The following CDH23 variants were observed in gnomAD, a reference collection of about 807,000 sequenced individuals.
The protein encoded by CDH23 is cadherin-23.
A neutral mutation model predicts 317.1 loss-of-function variants in CDH23; 189 were observed. The ratio of observed to expected loss-of-function variants is 0.60; its 90% confidence interval spans 0.53 to 0.67. The LOEUF is 0.67. Ranked by LOEUF, CDH23 falls within the 30% of genes least tolerant of loss-of-function variation. The pLI is 0.00. For missense variants in CDH23, 4,401 were observed against 4,592.4 expected (o/e 0.96, Z 1.20); for synonymous variants, 1,839 against 1,876.8 (o/e 0.98, Z 0.52).
intron 15 of CDH23, 26 bp from the exon 16 acceptor site, chr10:71,677,430 C>T (rs556038183): frequency 9.6e-6 from 15 of 1,566,498 alleles, no homozygotes; most frequent in Admixed American, 9.0e-5. Context: ...GGTGTTCCTT[C>T]TCTCCATCCT....
At chr10:71,482,685 C>T (rs1852131695) in intron 3 of CDH23, among the ~76,000 whole-genome samples, 3 of 152,170 alleles carry the variant, frequency 2.0e-5, no homozygotes, top group African/African-American at 7.2e-5. Flanking sequence ...AGATCTCTTG[C>T]CTCCAAAAAG....
At chr10:71,644,311 CAG>C (rs1235802642) in intron 12 of CDH23, among the ~76,000 whole-genome samples, 8 of 152,254 alleles carry the variant, frequency 5.3e-5, no homozygotes, top group Admixed American at 3.3e-4. Context: ...GTGCCAGTAA[CAG>C]GGCACAGGCC....
chr10:71,488,999 T>C (rs1852501768), intron 3 of CDH23, among the ~76,000 whole-genome samples: 3 of 152,246 alleles, frequency 2.0e-5, no homozygotes, highest in Non-Finnish European at 4.4e-5. Context: ...TTTTTCTTCT[T>C]TGGTTGCCTT....
intron 3 of CDH23, among the ~76,000 whole-genome samples, chr10:71,452,226 A>G (rs1201514345): frequency 6.6e-6 from 1 of 152,114 alleles, no homozygotes; most frequent in African/African-American, 2.4e-5. Context: ...GGAGACACCA[A>G]GTTGACCAAG....
At chr10:71,737,196 G>A (rs1839590936) in intron 34 of CDH23, among the ~76,000 whole-genome samples, 2 of 152,222 alleles carry the variant, frequency 1.3e-5, no homozygotes, top group Admixed American at 6.5e-5. Flanking sequence ...ACTCATGACA[G>A]ATGGGTAGAG....
chr10:71,533,023 C>A (rs906999755), intron 6 of CDH23, among the ~76,000 whole-genome samples: 2 of 152,196 alleles, frequency 1.3e-5, no homozygotes, highest in African/African-American at 4.8e-5. Context: ...TGAGCCACTG[C>A]GCCCAGCCGA....
rs757111825 is a variant in CDH23, at chr10:71,734,631, C to G, written c.4207-25C>G. 7.9e-6 allele frequency: 12 copies of G among 1,519,700 alleles called. No homozygotes were observed. The Admixed American group carries it at 1.9e-4, about 24-fold the overall frequency. The allele number at this position is 1,519,700 out of a possible 1,614,324, so 94.1% of individuals were successfully genotyped here. A position where few individuals can be genotyped will look rare whatever the true frequency, so the allele number is the denominator to read the frequency against. The stretch of plus-strand genomic sequence containing the variant: ...CATCTTTGCCTTTTCTCTCACTCCC[C>G]TCCTGCTGCTGCCTCTGCCTACAGA... On this transcript the variant is annotated intron_variant, in intron 33 of 69. Transcript: ENST00000224721.
intron 3 of CDH23, among the ~76,000 whole-genome samples, chr10:71,451,099 T>G (rs1850419196): frequency 6.6e-6 from 1 of 152,028 alleles, no homozygotes; most frequent in Admixed American, 6.6e-5. Flanking sequence ...GTGCCTCTTT[T>G]TCTCCCTCCC....
At chr10:71,592,941 A>G (rs1859593558) in intron 9 of CDH23, among the ~76,000 whole-genome samples, 1 of 151,582 alleles carries the variant, frequency 6.6e-6, no homozygotes. Context: ...GCACCTCTAC[A>G]CTCTAGTTAT....
intron 9 of CDH23, among the ~76,000 whole-genome samples, chr10:71,599,990 C>CTTTTTTTT (rs1174206523): frequency 9.1e-6 from 1 of 109,542 alleles, no homozygotes; most frequent in Non-Finnish European, 1.8e-5. Context: ...AATGTCTTTC[C>CTTTTTTTT]TTTTTTTTTT....
intron 6 of CDH23, among the ~76,000 whole-genome samples, chr10:71,540,567 C>A (rs975827717): frequency 3.3e-5 from 5 of 152,014 alleles, no homozygotes; most frequent in Non-Finnish European, 7.4e-5. Context: ...CTGCTTATTC[C>A]CCCCATTTCA....
At chr10:71,570,710 C>G in intron 7 of CDH23, 80 bp from the exon 8 acceptor site, 1 of 1,451,172 alleles carries the variant, frequency 6.9e-7, no homozygotes, top group South Asian at 1.2e-5. Context: ...CGGTGCAGGT[C>G]TGTGTGTGTG....
At chr10:71,577,825 G>C (rs2132400016) in intron 8 of CDH23, 89 bp from the exon 9 acceptor site, 1 of 1,139,978 alleles carries the variant, frequency 8.8e-7, no homozygotes, top group Middle Eastern at 1.9e-4. Flanking sequence ...GGATCAGCCT[G>C]GGGAGGGAAG....
At position 71,814,965 on chromosome 10, in the gene CDH23, A is replaced by G. The variant is rs973090119; in HGVS notation, c.9752A>G (p.Glu3251Gly). 6 of 1,611,628 alleles carry G rather than the reference A, an allele frequency of 3.7e-6. No individual in the cohort carries two copies. Among genetic ancestry groups the G allele is most frequent in the African/African-American group, 1.3e-5 (1 of 74,938 alleles). ...HSSISELIQT[E>G]LDEEPGDHSP... ...GGCCTCTTGCAGCTGATACAGACTG[A>G]GCTGGACGAGGAGCCAGGAGACCAC... The change falls in exon 70 of 70, where the codon GAG (glutamate) becomes GGG (glycine). Residue 3251 changes from glutamate to glycine, a missense_variant. Coordinates refer to ENST00000224721, the MANE Select transcript of CDH23 (RefSeq NM_022124.6).
rs763352314 is a variant in CDH23 at position 71,694,210 on chromosome 10, G to A, written c.2240G>A (p.Arg747His). ...AAGTCTGAATACATCCTCATCGTTCGCGCAGTGGACGGGGGTGTGGGCCAC... is the reference window on the plus strand; with the variant it reads ...AAGTCTGAATACATCCTCATCGTTCACGCAGTGGACGGGGGTGTGGGCCAC... Reference protein sequence around the residue: ...ETKSEYILIVRAVDGGVGHNQ... With the variant: ...ETKSEYILIVHAVDGGVGHNQ... Residue 747 changes from arginine to histidine, a missense_variant, in exon 21 of 70, where the codon CGC (arginine) becomes CAC (histidine). Physicochemically the swap from Arg to His is conservative, Grantham distance 29. This residue lies in a region of CDH23 where 3,068 missense variants were observed against 3,203.3 expected (regional missense o/e 0.96). Coordinates refer to ENST00000224721, the MANE Select transcript of CDH23 (RefSeq NM_022124.6). 8.1e-6 allele frequency: 13 copies of A among 1,613,678 alleles called. No individual in the cohort carries two copies. Among genetic ancestry groups the A allele is most frequent in the Non-Finnish European group, 1.1e-5 (13 of 1,179,848 alleles).
In CDH23 at chr10:71,791,132, G is replaced by T. The variant is rs1224900780; in HGVS notation, c.6050G>T (p.Gly2017Val). 2.5e-6 allele frequency: 4 copies of T among 1,604,556 alleles called. No individual in the cohort carries two copies. The African/African-American group carries it at 4.0e-5, about 16-fold the overall frequency. Residue 2017 changes from glycine (G) to valine (V), a missense_variant and splice_region_variant, in exon 47 of 70, where the codon GGT (glycine) becomes GTT (valine). By Grantham distance (109) the Gly-to-Val change is moderately radical. Coordinates refer to ENST00000224721, the MANE Select transcript of CDH23 (RefSeq NM_022124.6). ...CCTGGCTGGCGGCACCGGGTGCCAG[G>T]TGTGGTGACCGTGAGGTCAGGTGTC... Reference protein sequence around the residue: ...SGLFDINSSTGVVTVRSGVII... With the variant: ...SGLFDINSSTVVVTVRSGVII...
chr10:71,511,261 C>T (rs1227376389), intron 6 of CDH23, 49 bp downstream of exon 6: 1 of 1,481,272 alleles, frequency 6.8e-7, no homozygotes. Flanking sequence ...CCTGCTGCTC[C>T]CCAGACCACC....
At chr10:71,769,345 C>T (rs557998789) in intron 38 of CDH23, among the ~76,000 whole-genome samples, 3 of 152,136 alleles carry the variant, frequency 2.0e-5, no homozygotes, top group African/African-American at 7.2e-5. Flanking sequence ...GAATTCAATA[C>T]CCTTATATGG....
At chr10:71,644,781 AGCCTCT>A (rs1862747880) in intron 12 of CDH23, among the ~76,000 whole-genome samples, 1 of 152,224 alleles carries the variant, frequency 6.6e-6, no homozygotes, top group South Asian at 2.1e-4. Context: ...CATAAGCCAG[AGCCTCT>A]GCCTCTGGAC....
Sources: gnomAD v4.1 joint callset for allele counts (sites outside exome capture counted in the v4.1 genomes callset) on GRCh38, gnomAD v4.1.1 for gene constraint, gnomAD v4.1.1 regional missense constraint, MANE v1.5 for transcripts, NCBI Gene and HGNC (gene_info 2026-07-23, HGNC 2026-07-21) for gene names.